Variants in DLC1 observed in about 807,000 individuals in gnomAD.
DLC1 encodes rho GTPase-activating protein 7.
Under a neutral mutation model 140.3 loss-of-function variants are expected in DLC1, and 54 were observed. The ratio of observed to expected loss-of-function variants is 0.38; its 90% CI spans 0.31 to 0.48. The LOEUF (loss-of-function observed/expected upper bound fraction) is 0.48, where lower values mean the gene tolerates loss of function less well. DLC1 is among the 20% of genes least tolerant of loss of function. The pLI, the probability that DLC1 is intolerant of heterozygous loss-of-function variation, is 0.96. For missense variants in DLC1, 2,536 were observed against 1,907.0 expected, an observed-to-expected ratio of 1.33 and a Z score of -6.14; for synonymous variants, 986 against 728.1, an observed-to-expected ratio of 1.35 and a Z score of -5.70.
intron 2 of DLC1, among the ~76,000 whole-genome samples, chr8:13,419,710 G>C (rs538322589): frequency 4.6e-5 from 7 of 152,106 alleles, no homozygotes; most frequent in Non-Finnish European, 7.4e-5. Context: ...TTTGGTATTA[G>C]GATGATGCTG....
intron 2 of DLC1, among the ~76,000 whole-genome samples, chr8:13,440,608 G>T (rs534655258): frequency 6.6e-6 from 1 of 151,844 alleles, no homozygotes; most frequent in Non-Finnish European, 1.5e-5. Flanking sequence ...GTAGGCCATG[G>T]TAGTTGATAT....
chr8:13,457,326 T>A (rs894570831), intron 2 of DLC1, among the ~76,000 whole-genome samples: 6 of 152,194 alleles, frequency 3.9e-5, no homozygotes, highest in African/African-American at 1.4e-4. Flanking sequence ...CCTGTCATGC[T>A]ATGTTATATT....
intron 4 of DLC1, among the ~76,000 whole-genome samples, chr8:13,312,383 A>ATAATAAT (rs1208765059): frequency 3.2e-5 from 3 of 94,022 alleles, no homozygotes; most frequent in Non-Finnish European, 6.6e-5. Flanking sequence ...AAAAAAAAAA[A>ATAATAAT]AAAAATAATT....
chr8:13,096,244 T>A (rs959491266), intron 10 of DLC1, among the ~76,000 whole-genome samples: 3 of 152,198 alleles, frequency 2.0e-5, no homozygotes, highest in Non-Finnish European at 4.4e-5. Flanking sequence ...AGAAGTATTA[T>A]GGACTTTCAG....
At chr8:13,495,684 C>T (rs1481683) in intron 2 of DLC1, among the ~76,000 whole-genome samples, 130,380 of 152,122 alleles carry the variant, frequency 0.86, 56,675 homozygotes, top group Non-Finnish European at 0.94. Flanking sequence ...AATAAATATA[C>T]GTGTGACTAA....
intron 1 of DLC1, among the ~76,000 whole-genome samples, chr8:13,508,133 G>T (rs1252269364): frequency 6.6e-6 from 1 of 152,178 alleles, no homozygotes; most frequent in Non-Finnish European, 1.5e-5. Flanking sequence ...CGTCCAGGTT[G>T]CTGCTATTTA....
chr8:13,322,275 A>G (rs1056433640), intron 4 of DLC1, among the ~76,000 whole-genome samples: 6 of 152,204 alleles, frequency 3.9e-5, no homozygotes, highest in Non-Finnish European at 8.8e-5. Flanking sequence ...AAAGAACAAT[A>G]TATCAGTTGC....
At chr8:13,197,015 T>C (rs1395246698) in intron 5 of DLC1, among the ~76,000 whole-genome samples, 2 of 152,238 alleles carry the variant, frequency 1.3e-5, no homozygotes, top group African/African-American at 2.4e-5. Flanking sequence ...CAATGATATG[T>C]ATCCAGTAGT....
intron 4 of DLC1, among the ~76,000 whole-genome samples, chr8:13,387,830 C>T (rs1836588693): frequency 6.6e-6 from 1 of 151,926 alleles, no homozygotes; most frequent in African/African-American, 2.4e-5. Context: ...GTACCTGCAG[C>T]ATATTTATTA....
At chr8:13,277,337 G>C (rs1831213849) in intron 5 of DLC1, among the ~76,000 whole-genome samples, 1 of 152,096 alleles carries the variant, frequency 6.6e-6, no homozygotes, top group Admixed American at 6.6e-5. Context: ...TAAGGAAATG[G>C]ACACCTGAGT....
intron 4 of DLC1, among the ~76,000 whole-genome samples, chr8:13,325,546 C>G (rs1247306814): frequency 3.3e-5 from 5 of 152,118 alleles, no homozygotes; most frequent in Admixed American, 3.3e-4. Context: ...TGGGTAGTTT[C>G]TGAAGCCTGA....
intron 5 of DLC1, among the ~76,000 whole-genome samples, chr8:13,286,870 C>T (rs1831552291): frequency 6.6e-6 from 1 of 151,950 alleles, no homozygotes; most frequent in Non-Finnish European, 1.5e-5. Context: ...GGAGATGGAA[C>T]CTCATGATGT....
chr8:13,443,932 C>G (rs776257555), intron 2 of DLC1, among the ~76,000 whole-genome samples: 3 of 152,154 alleles, frequency 2.0e-5, no homozygotes, highest in Non-Finnish European at 4.4e-5. Flanking sequence ...TATTTAGGTA[C>G]ACAGTTAGCC....
At chr8:13,253,927 G>A (rs541254243) in intron 5 of DLC1, among the ~76,000 whole-genome samples, 7 of 152,278 alleles carry the variant, frequency 4.6e-5, no homozygotes, top group Admixed American at 2.6e-4. Context: ...CAGCCCTGAC[G>A]TCAGGACGCA....
intron 4 of DLC1, among the ~76,000 whole-genome samples, chr8:13,330,178 T>C (rs912574011): frequency 2.6e-5 from 4 of 152,150 alleles, no homozygotes; most frequent in African/African-American, 9.7e-5. Flanking sequence ...TTGCCCAGGA[T>C]GGTCTTCAAC....
intron 2 of DLC1, among the ~76,000 whole-genome samples, chr8:13,439,483 T>G (rs1303446147): frequency 6.6e-6 from 1 of 152,040 alleles, no homozygotes; most frequent in African/African-American, 2.4e-5. Flanking sequence ...TTCTTTTCTT[T>G]TTTTTTTTAA....
intron 5 of DLC1, among the ~76,000 whole-genome samples, chr8:13,157,963 G>C (rs1824381222): frequency 6.6e-6 from 1 of 152,196 alleles, no homozygotes; most frequent in South Asian, 2.1e-4. Context: ...AGAATTCTTT[G>C]AAGTAGAATT....
chr8:13,191,082 C>G (rs1230574618), intron 5 of DLC1, among the ~76,000 whole-genome samples: 1 of 152,032 alleles, frequency 6.6e-6, no homozygotes, highest in Admixed American at 6.6e-5. Context: ...CAAGAAAATT[C>G]AAAAGAAAGG....
chr8:13,515,227 G>C (rs902648116), upstream of DLC1, among the ~76,000 whole-genome samples: 1 of 152,152 alleles, frequency 6.6e-6, no homozygotes, highest in African/African-American at 2.4e-5. Context: ...TCTTTTAAGA[G>C]AGCAAGATGA....
Sources: allele counts gnomAD v4.1 joint callset (sites outside exome capture counted in the v4.1 genomes callset), GRCh38; gene constraint gnomAD v4.1.1; transcripts MANE v1.5; gene names NCBI Gene and HGNC (gene_info 2026-07-23, HGNC 2026-07-21).